RPF2: variants seen among roughly 807,000 people sequenced by gnomAD.
RPF2 encodes the protein ribosome production factor 2 homolog.
A neutral mutation model predicts 38.9 loss-of-function variants in RPF2; 21 were observed. The observed-to-expected ratio is 0.54, with a 90% CI of 0.38 to 0.78. The LOEUF is 0.78. RPF2 is among the 30% of genes least tolerant of loss of function. The pLI, the probability that RPF2 is intolerant of heterozygous loss-of-function variation, is 0.00. For missense variants in RPF2, 314 were observed against 358.1 expected, an observed-to-expected ratio of 0.88 and a Z score of 0.99; for synonymous variants, 121 against 126.2, an observed-to-expected ratio of 0.96 and a Z score of 0.28.
At chr6:111,017,136 C>T (rs1285165450) in intron 8 of RPF2, among the ~76,000 whole-genome samples, 3 of 152,226 alleles carry the variant, frequency 2.0e-5, no homozygotes, top group Admixed American at 1.3e-4. Context: ...CCACATTTCC[C>T]CCCTTTCCAC....
rs1175060763 is a variant in RPF2, at chr6:110,997,328, C to A, written c.316+64C>A. On this transcript the variant is annotated intron_variant, in intron 5 of 9. Coordinates refer to ENST00000441448, the MANE Select transcript of RPF2 (RefSeq NM_032194.3). ...GTCAATTTGTTAGCAGCAGCGAATT[C>A]ATACGGGTCTGCAGCAACTTGGTTC... The A allele has an allele frequency of 1.6e-5, 15 of 953,878 alleles. No homozygotes were observed. The East Asian group carries it at 3.3e-4, about 21-fold the overall frequency. The allele number at this position is 953,878 out of a possible 1,614,324, so 59.1% of individuals were successfully genotyped here. A position where few individuals can be genotyped will look rare whatever the true frequency, so the allele number is the denominator to read the frequency against.
intron 2 of RPF2, 66 bp from the exon 3 acceptor site, chr6:110,988,962 G>T: frequency 6.5e-7 from 1 of 1,546,178 alleles, no homozygotes; most frequent in Non-Finnish European, 8.8e-7. Flanking sequence ...CTGTTATGAT[G>T]CTTTATTTTT....
At position 111,024,201 on chromosome 6, in the gene RPF2, T is replaced by C. The variant is rs1772282397; in HGVS notation, c.615T>C (p.Ser205=). The stretch of plus-strand genomic sequence containing the variant: ...CCTAAAGGTTGCTGTTGAAGAAATC[T>C]GGTTGCAGAACACCACGGATTGAAT... ...FRSYKLLLKK[S]GCRTPRIELE... is the part of the protein sequence containing the mutation. The change falls in exon 9 of 10, where the codon TCT becomes TCC. Residue 205 remains serine, a synonymous_variant. Transcript: ENST00000441448. The C allele has an allele frequency of 6.3e-7, 1 of 1,598,060 alleles. No individual in the cohort carries two copies. The highest frequency in any genetic ancestry group is 1.8e-5 in the Admixed American group (1 of 55,620).
intron 4 of RPF2, among the ~76,000 whole-genome samples, chr6:110,993,954 A>G (rs754704374): frequency 1.3e-5 from 2 of 152,192 alleles, no homozygotes; most frequent in African/African-American, 4.8e-5. Context: ...TGTGAGGCTC[A>G]TGAGCTAAGA....
chr6:111,004,173 ATTTTATTTTTAT>A (rs1199790038), intron 6 of RPF2, among the ~76,000 whole-genome samples: 59 of 151,248 alleles, frequency 3.9e-4, no homozygotes, highest in African/African-American at 1.3e-3. Context: ...TGTGACTAGC[ATTTTATTTTTAT>A]TTTTATTTTT....
chr6:110,989,080 C>G lies in RPF2; in HGVS notation c.194+15C>G, dbSNP rs1168156662. On this transcript the variant is annotated intron_variant, in intron 3 of 9. Transcript: ENST00000441448. ...CTATATAAAAAGTAAGTCATGATTT[C>G]TTTTACTGTATTTTAAATGATTTTG... The G allele has an allele frequency of 6.5e-7, 1 of 1,529,248 alleles. No homozygotes were observed. The highest frequency in any genetic ancestry group is 2.5e-5 in the East Asian group (1 of 40,104). The allele number at this position is 1,529,248 out of a possible 1,614,324, so 94.7% of individuals were successfully genotyped here.
At chr6:110,983,246 G>C (rs144881880) in intron 1 of RPF2, among the ~76,000 whole-genome samples, 11 of 152,270 alleles carry the variant, frequency 7.2e-5, no homozygotes, top group African/African-American at 2.4e-4. Flanking sequence ...GTAAAAACAT[G>C]CCACTCCTAC....
Position 111,025,411 on chromosome 6 carries a change from G to A in RPF2, c.750G>A (p.Lys250=), listed in dbSNP as rs779295177. The A allele has an allele frequency of 6.3e-7, 1 of 1,599,034 alleles. No homozygotes were observed. Among genetic ancestry groups the A allele is most frequent in the South Asian group, 1.1e-5 (1 of 88,066 alleles). The change falls in exon 10 of 10, where the codon AAG becomes AAA. Residue 250 remains lysine, a synonymous_variant. Coordinates refer to ENST00000441448, the MANE Select transcript of RPF2 (RefSeq NM_032194.3). ...ATATTCTTTTATCGTAGCCAAAGAA[G>A]AAGAAAAATATTTCCCATGATACTT... is the stretch of plus-strand genomic sequence containing the variant. The part of the protein sequence containing the change: ...MKMPKALKPK[K]KKNISHDTFG...
At chr6:110,991,414 T>TA (rs1554247510) in intron 3 of RPF2, among the ~76,000 whole-genome samples, 2 of 150,914 alleles carry the variant, frequency 1.3e-5, no homozygotes, top group Non-Finnish European at 3.0e-5. Context: ...TTTTTTTTTT[T>TA]AACACACTTT....
At chr6:110,982,535 CTG>C in intron 1 of RPF2, 8 of 215,060 alleles carry the variant, frequency 3.7e-5, no homozygotes, top group South Asian at 1.5e-4. Flanking sequence ...TTAGCTTATT[CTG>C]TAAAATAGCG....
chr6:111,016,670 C>CTTTTTTTTTTT (rs71021821), intron 8 of RPF2, among the ~76,000 whole-genome samples: 1 of 122,170 alleles, frequency 8.2e-6, no homozygotes, highest in African/African-American at 3.2e-5. Context: ...AATTGTGGTT[C>CTTTTTTTTTTT]TTTTTTTTTT....
chr6:111,015,758 C>A lies in RPF2; in HGVS notation c.498C>A (p.Phe166Leu). 1 of 1,600,484 alleles carries A rather than the reference C, an allele frequency of 6.2e-7. No homozygotes were observed. The highest frequency in any genetic ancestry group is 2.2e-5 in the East Asian group (1 of 44,820). ...YRRLKSLLIDFFRGPTVSNIR... is the reference protein window; with the variant it reads ...YRRLKSLLIDLFRGPTVSNIR... ...TAATTTAATATGTGCTTTTAGATTT[C>A]TTCAGAGGCCCCACAGTATCAAATA... The change falls in exon 8 of 10, where the codon TTC becomes TTA. Residue 166 changes from phenylalanine to leucine, a missense_variant. Phe to Leu is a conservative substitution (Grantham distance 22). Transcript: ENST00000441448.
chr6:110,988,231 G>T (rs574889331), intron 2 of RPF2, among the ~76,000 whole-genome samples: 17 of 151,880 alleles, frequency 1.1e-4, no homozygotes, highest in Admixed American at 7.2e-4. Context: ...TAAAATGAAT[G>T]ATTATTTGTG....
intron 7 of RPF2, among the ~76,000 whole-genome samples, chr6:111,012,162 A>ATT (rs570516659): frequency 0.03 from 3,491 of 115,118 alleles, 101 homozygotes; most frequent in Middle Eastern, 0.05. Flanking sequence ...TGTTTACATC[A>ATT]TTTTTTTTTT....
chr6:111,021,575 A>G (rs1458660853), intron 8 of RPF2, among the ~76,000 whole-genome samples: 1 of 152,186 alleles, frequency 6.6e-6, no homozygotes, highest in Non-Finnish European at 1.5e-5. Flanking sequence ...CAGCCACGTG[A>G]CATGGGCAGG....
chr6:111,016,285 C>G (rs1354991476), intron 8 of RPF2, among the ~76,000 whole-genome samples: 3 of 147,404 alleles, frequency 2.0e-5, no homozygotes, highest in African/African-American at 7.3e-5. Flanking sequence ...CTACCCCTAC[C>G]ACAATATAAA....
chr6:111,007,589 A>G (rs1222647785), intron 6 of RPF2, among the ~76,000 whole-genome samples: 1 of 152,128 alleles, frequency 6.6e-6, no homozygotes, highest in East Asian at 1.9e-4. Context: ...GTATTCACAG[A>G]CATCATTTTG....
intron 4 of RPF2, among the ~76,000 whole-genome samples, chr6:110,994,732 T>TACACACACAC (rs754731328): frequency 0.018 from 1,878 of 101,764 alleles, 21 homozygotes; most frequent in Non-Finnish European, 0.024. Flanking sequence ...GATGAGTATA[T>TACACACACAC]ATACACACAC....
chr6:110,993,355 A>G (rs1771653768), intron 4 of RPF2, among the ~76,000 whole-genome samples: 1 of 152,158 alleles, frequency 6.6e-6, no homozygotes, highest in African/African-American at 2.4e-5. Context: ...CTCAATGATA[A>G]ATTAGATTAA....
Sources: gnomAD v4.1 joint callset for allele counts (sites outside exome capture counted in the v4.1 genomes callset) on GRCh38, gnomAD v4.1.1 for gene constraint, MANE v1.5 for transcripts, NCBI Gene and HGNC (gene_info 2026-07-23, HGNC 2026-07-21) for gene names.